The following CLSTN2 variants were observed in gnomAD, a reference collection of about 807,000 sequenced individuals.
CLSTN2 encodes the protein calsyntenin-2.
In CLSTN2, 48 loss-of-function variants were observed where a neutral mutation model predicts 101.2. That is an observed-to-expected ratio of 0.47 (90% confidence interval 0.38 to 0.60). CLSTN2 has a LOEUF of 0.60. CLSTN2 is among the 20% of genes least tolerant of loss of function. The probability of loss-of-function intolerance (pLI) is 0.00; values close to 1 mark genes in which losing one functional copy is unlikely to be tolerated. For missense variants in CLSTN2, 1,160 were observed against 1,238.2 expected (o/e 0.94, Z 0.95); for synonymous variants, 481 against 463.6 (o/e 1.04, Z -0.48).
chr3:140,141,628 C>T (rs1450971175), intron 1 of CLSTN2, among the ~76,000 whole-genome samples: 1 of 152,236 alleles, frequency 6.6e-6, no homozygotes, highest in Non-Finnish European at 1.5e-5. Flanking sequence ...AGGGTGGTCA[C>T]CTGGTTAGTG....
At chr3:140,249,372 G>T (rs1256346016) in intron 2 of CLSTN2, among the ~76,000 whole-genome samples, 1 of 152,174 alleles carries the variant, frequency 6.6e-6, no homozygotes, top group Non-Finnish European at 1.5e-5. Context: ...CAACATTGTG[G>T]TTTGGACCAG....
At chr3:140,255,814 C>T (rs1010559414) in intron 2 of CLSTN2, among the ~76,000 whole-genome samples, 5 of 152,090 alleles carry the variant, frequency 3.3e-5, no homozygotes, top group African/African-American at 1.2e-4. Flanking sequence ...TAAATTTAGG[C>T]ATAGAAATGT....
chr3:140,530,210 A>G (rs572793786), intron 8 of CLSTN2, among the ~76,000 whole-genome samples: 6 of 152,356 alleles, frequency 3.9e-5, no homozygotes, highest in African/African-American at 1.4e-4. Flanking sequence ...CATATTACAC[A>G]GCTACTTAAA....
chr3:140,490,918 G>T (rs1934342205), intron 8 of CLSTN2, among the ~76,000 whole-genome samples: 1 of 152,136 alleles, frequency 6.6e-6, no homozygotes, highest in Non-Finnish European at 1.5e-5. Context: ...GATCACTAAG[G>T]GCTGTCCCAT....
rs139670166 is a variant in CLSTN2, at chr3:140,313,847, G to A, written c.233-89782G>A. ...GCCATTGCCTCAGGCCTTTGGGAAG[G>A]TGACATCTGCCAGTTTGGGAATATT... is the stretch of plus-strand genomic sequence containing the variant. On this transcript the variant is annotated intron_variant, in intron 2 of 16. Coordinates refer to ENST00000458420, the MANE Select transcript of CLSTN2 (RefSeq NM_022131.3). Among the ~76,000 whole-genome samples, 423 of 152,344 alleles carry A rather than the reference G, an allele frequency of 2.8e-3. 1 individual carries two copies. Among genetic ancestry groups the A allele is most frequent in the African/African-American group, 9.8e-3 (406 of 41,574 alleles).
chr3:140,438,870 A>G (rs1217392637), intron 5 of CLSTN2, among the ~76,000 whole-genome samples: 2 of 152,162 alleles, frequency 1.3e-5, no homozygotes, highest in Non-Finnish European at 2.9e-5. Flanking sequence ...GGAGCTGAGA[A>G]GGGTGTGAGC....
At chr3:140,152,598 G>A (rs141026115) in intron 1 of CLSTN2, among the ~76,000 whole-genome samples, 1 of 152,302 alleles carries the variant, frequency 6.6e-6, no homozygotes, top group African/African-American at 2.4e-5. Context: ...GTATGAAATT[G>A]CTGCTGTGGA....
At chr3:140,103,521 T>A (rs2009002743) in intron 1 of CLSTN2, among the ~76,000 whole-genome samples, 1 of 152,232 alleles carries the variant, frequency 6.6e-6, no homozygotes, top group Non-Finnish European at 1.5e-5. Flanking sequence ...TAACTTTCCA[T>A]CAGCAGCATT....
intron 4 of CLSTN2, among the ~76,000 whole-genome samples, chr3:140,420,564 T>C (rs2088490871): frequency 6.6e-6 from 1 of 152,192 alleles, no homozygotes; most frequent in South Asian, 2.1e-4. Context: ...AAATGTCTTC[T>C]TCGGGGCGAA....
chr3:140,156,272 T>A (rs1484216271), intron 1 of CLSTN2, among the ~76,000 whole-genome samples: 1 of 152,212 alleles, frequency 6.6e-6, no homozygotes, highest in Non-Finnish European at 1.5e-5. Flanking sequence ...GGACAGGCTC[T>A]GTTCACTTGT....
intron 2 of CLSTN2, among the ~76,000 whole-genome samples, chr3:140,335,873 G>A (rs2087434756): frequency 6.6e-6 from 1 of 152,234 alleles, no homozygotes; most frequent in Non-Finnish European, 1.5e-5. Context: ...GTGTATGGCA[G>A]TGGAGAGGTG....
chr3:140,148,563 C>T (rs963635457), intron 1 of CLSTN2, among the ~76,000 whole-genome samples: 2 of 152,194 alleles, frequency 1.3e-5, no homozygotes, highest in African/African-American at 2.4e-5. Context: ...TATCTAATAG[C>T]TTCTTGTCCA....
At chr3:140,246,502 T>A (rs150460746) in intron 2 of CLSTN2, among the ~76,000 whole-genome samples, 6 of 152,248 alleles carry the variant, frequency 3.9e-5, no homozygotes, top group African/African-American at 1.4e-4. Flanking sequence ...ACACACTTGA[T>A]CAGTTATTTC....
chr3:140,419,439 T>C (rs2088468162), intron 4 of CLSTN2, among the ~76,000 whole-genome samples: 1 of 133,288 alleles, frequency 7.5e-6, no homozygotes, highest in South Asian at 2.3e-4. Context: ...GCCGAGATCA[T>C]GCCACTGAAC....
intron 2 of CLSTN2, among the ~76,000 whole-genome samples, chr3:140,260,714 T>C (rs2086643814): frequency 6.6e-6 from 1 of 152,176 alleles, no homozygotes; most frequent in Non-Finnish European, 1.5e-5. Flanking sequence ...TTATTAATGT[T>C]TTTCTAATGT....
chr3:139,995,364 C>T (rs1448278198), intron 1 of CLSTN2, among the ~76,000 whole-genome samples: 1 of 152,146 alleles, frequency 6.6e-6, no homozygotes, highest in East Asian at 1.9e-4. Flanking sequence ...ATTGTCTATC[C>T]TGATTTTTCT....
chr3:139,953,973 C>T (rs1935342619), intron 1 of CLSTN2, among the ~76,000 whole-genome samples: 1 of 79,618 alleles, frequency 1.3e-5, no homozygotes, highest in South Asian at 5.2e-4. Context: ...GCTTTTTTCC[C>T]CTTCTAACTT....
rs577582026 is a variant in CLSTN2, at chr3:140,036,987, G to A, written c.109+101504G>A. Among the ~76,000 whole-genome samples the A allele has an allele frequency of 6.6e-5, 10 of 152,222 alleles. 1 individual carries two copies. In the South Asian group the frequency reaches 2.1e-3, roughly 32 times the overall value. The stretch of plus-strand genomic sequence containing the variant: ...TTAAAACATAATTCCTGTACCCTGA[G>A]ATAATTAAAGTCTGCATTTGGAGTA... On this transcript the variant is annotated intron_variant, in intron 1 of 16. Coordinates refer to ENST00000458420, the MANE Select transcript of CLSTN2 (RefSeq NM_022131.3).
intron 2 of CLSTN2, among the ~76,000 whole-genome samples, chr3:140,251,563 T>C (rs565842574): frequency 1.7e-3 from 198 of 114,708 alleles, no homozygotes; most frequent in Non-Finnish European, 2.6e-3. Context: ...AGAAAGTCAA[T>C]AACGGCAACT....
Sources: allele counts gnomAD v4.1 joint callset (sites outside exome capture counted in the v4.1 genomes callset), GRCh38; gene constraint gnomAD v4.1.1; transcripts MANE v1.5; gene names NCBI Gene and HGNC (gene_info 2026-07-23, HGNC 2026-07-21).